SLC2A9: variants seen among roughly 807,000 people sequenced by gnomAD.
The protein encoded by SLC2A9 is solute carrier family 2 member 9.
In SLC2A9, 39 loss-of-function variants were observed where a neutral mutation model predicts 50.6. The observed-to-expected ratio is 0.77, with a 90% CI of 0.60 to 1.01. The LOEUF is 1.01. Ranked by LOEUF, SLC2A9 falls within the 50% of genes least tolerant of loss-of-function variation. The pLI, the probability that SLC2A9 is intolerant of heterozygous loss-of-function variation, is 0.00. For synonymous variants in SLC2A9, 324 were observed against 276.9 expected, an observed-to-expected ratio of 1.17 and a Z score of -1.69; for missense variants, 686 against 677.6, an observed-to-expected ratio of 1.01 and a Z score of -0.14.
intron 7 of SLC2A9, among the ~76,000 whole-genome samples, chr4:9,910,154 C>T (rs1741450962): frequency 6.6e-6 from 1 of 152,202 alleles, no homozygotes; most frequent in Non-Finnish European, 1.5e-5. Context: ...TGGATACATC[C>T]ATCTATTGGC....
At chr4:9,841,063 C>T (rs1728000058) in intron 10 of SLC2A9, among the ~76,000 whole-genome samples, 1 of 152,168 alleles carries the variant, frequency 6.6e-6, no homozygotes, top group Non-Finnish European at 1.5e-5. Flanking sequence ...GTGGGGATTA[C>T]AATTCGAGAT....
chr4:9,945,372 G>A (rs1748949839), intron 5 of SLC2A9, among the ~76,000 whole-genome samples: 1 of 152,242 alleles, frequency 6.6e-6, no homozygotes, highest in Non-Finnish European at 1.5e-5. Flanking sequence ...GCTGAGCACA[G>A]GCCTGCACAC....
intron 2 of SLC2A9, among the ~76,000 whole-genome samples, chr4:10,000,694 G>A (rs775854209): frequency 1.2e-4 from 18 of 152,186 alleles, no homozygotes; most frequent in Non-Finnish European, 2.1e-4. Flanking sequence ...GAACTTTCCC[G>A]GAAGCTTCTA....
intron 10 of SLC2A9, 105 bp from the exon 11 acceptor site, chr4:9,835,113 T>C: frequency 6.6e-7 from 1 of 1,525,646 alleles, no homozygotes; most frequent in Non-Finnish European, 9.0e-7. Context: ...CCCCTGCCCC[T>C]TGACTGGATG....
chr4:9,821,852 A>G (rs542098925), downstream of SLC2A9, among the ~76,000 whole-genome samples: 3 of 152,364 alleles, frequency 2.0e-5, no homozygotes. Flanking sequence ...CACTGAAACC[A>G]TGTGGACCTG....
At chr4:9,910,004 G>A (rs1741413729) in intron 7 of SLC2A9, among the ~76,000 whole-genome samples, 1 of 152,206 alleles carries the variant, frequency 6.6e-6, no homozygotes, top group South Asian at 2.1e-4. Context: ...AATTATTCAT[G>A]CATTGGGGGG....
At chr4:9,851,436 A>C (rs1729899649) in intron 10 of SLC2A9, among the ~76,000 whole-genome samples, 1 of 152,232 alleles carries the variant, frequency 6.6e-6, no homozygotes. Flanking sequence ...AAAGGTCAGT[A>C]GCCTCAAAGA....
At chr4:10,036,948 G>A (rs1414298993) in intron 1 of SLC2A9, among the ~76,000 whole-genome samples, 4 of 152,170 alleles carry the variant, frequency 2.6e-5, no homozygotes, top group South Asian at 2.1e-4. Context: ...AGGAGCAAGC[G>A]GGGCCTCTAG....
chr4:10,020,035 T>A (rs948270102), intron 1 of SLC2A9, among the ~76,000 whole-genome samples: 1 of 111,420 alleles, frequency 9.0e-6, no homozygotes, highest in Non-Finnish European at 1.8e-5. Flanking sequence ...TTGACATATT[T>A]GTGAGTGTGT....
chr4:10,008,335 C>T (rs552777912), intron 2 of SLC2A9, among the ~76,000 whole-genome samples: 57 of 152,336 alleles, frequency 3.7e-4, no homozygotes, highest in African/African-American at 1.2e-3. Flanking sequence ...TGGACACCAA[C>T]GCCCCAGGCT....
rs79699080 is a variant in SLC2A9 at position 9,820,841 on chromosome 4, A to C, written n.420+5579T>G. Among the ~76,000 whole-genome samples, 1,504 of 152,328 alleles carry C rather than the reference A, an allele frequency of 9.9e-3. 30 individuals carry two copies. Among genetic ancestry groups the C allele is most frequent in the African/African-American group, 0.034 (1,422 of 41,586 alleles). On this transcript the variant is annotated intron_variant and non_coding_transcript_variant, in intron 3 of 3. Transcript: ENST00000503280. Reference sequence around the variant, plus strand: ...AGTTCAGGTAGATTCTTTGAGATTTAATATGTAAACAATAATGTGTGTGAA... The same window carrying C: ...AGTTCAGGTAGATTCTTTGAGATTTCATATGTAAACAATAATGTGTGTGAA...
intron 10 of SLC2A9, among the ~76,000 whole-genome samples, chr4:9,875,558 T>A (rs367769397): frequency 6.6e-6 from 1 of 152,210 alleles, no homozygotes; most frequent in Non-Finnish European, 1.5e-5. Flanking sequence ...TCCTCTGTGC[T>A]CCCTTAGTAC....
intron 10 of SLC2A9, among the ~76,000 whole-genome samples, chr4:9,837,681 G>A (rs1037110927): frequency 2.0e-5 from 3 of 152,206 alleles, no homozygotes; most frequent in East Asian, 3.8e-4. Context: ...CATACCAGGT[G>A]CTCTGTAAGT....
At chr4:10,038,550 G>T (rs1764180085) in intron 1 of SLC2A9, among the ~76,000 whole-genome samples, 1 of 151,206 alleles carries the variant, frequency 6.6e-6, no homozygotes, top group African/African-American at 2.4e-5. Context: ...CAGACAAGTG[G>T]GTACAGCCAG....
intron 10 of SLC2A9, among the ~76,000 whole-genome samples, chr4:9,845,456 G>C (rs1728824743): frequency 1.0e-5 from 1 of 97,486 alleles, no homozygotes; most frequent in Admixed American, 9.9e-5. Flanking sequence ...TTGAGACGGA[G>C]TCTCGCTCTG....
chr4:9,931,392 G>A (rs539351498), intron 6 of SLC2A9, among the ~76,000 whole-genome samples: 2 of 152,318 alleles, frequency 1.3e-5, no homozygotes, highest in East Asian at 3.9e-4. Context: ...AGAGGGAGCT[G>A]TTACATAATC....
intron 10 of SLC2A9, among the ~76,000 whole-genome samples, chr4:9,847,779 G>T (rs1729219504): frequency 6.6e-6 from 1 of 152,190 alleles, no homozygotes; most frequent in South Asian, 2.1e-4. Context: ...GTTCTTGAAA[G>T]GTTTTCCCTT....
downstream of SLC2A9, among the ~76,000 whole-genome samples, chr4:9,823,803 A>G (rs1415962504): frequency 1.3e-5 from 2 of 152,204 alleles, no homozygotes; most frequent in African/African-American, 2.4e-5. Flanking sequence ...AAGTGGAAAA[A>G]ATAGAAGATA....
At chr4:9,893,099 A>G (rs1298397847) in intron 8 of SLC2A9, among the ~76,000 whole-genome samples, 3 of 152,150 alleles carry the variant, frequency 2.0e-5, no homozygotes, top group African/African-American at 7.2e-5. Context: ...TGTTGTTGTG[A>G]CATTACATTT....
Sources: allele counts gnomAD v4.1 joint callset (sites outside exome capture counted in the v4.1 genomes callset), GRCh38; gene constraint gnomAD v4.1.1; transcripts MANE v1.5; gene names NCBI Gene and HGNC (gene_info 2026-07-23, HGNC 2026-07-21).